The following ZNF490 variants were observed in gnomAD, a reference collection of about 807,000 sequenced individuals.
ZNF490 encodes zinc finger protein 490.
ZNF490 carries 11 observed loss-of-function variants against 17.7 expected under a neutral mutation model. The observed-to-expected ratio is 0.62, with a 90% confidence interval of 0.39 to 1.03. The LOEUF is 1.03. Among genes scored for constraint, ZNF490 ranks in the 50% least tolerant of loss-of-function variants. ZNF490 has a pLI of 0.00. For synonymous variants in ZNF490, 222 were observed against 216.1 expected (o/e 1.03, Z -0.24); for missense variants, 542 against 643.4 (o/e 0.84, Z 1.71).
In ZNF490 at chr19:12,583,495, T is replaced by C; in HGVS notation, c.224A>G (p.Asp75Gly). Residue 75 changes from aspartate to glycine, a missense_variant, in exon 3 of 5, where the codon GAT becomes GGT. By Grantham distance (94) the Asp-to-Gly change is moderately conservative. Coordinates refer to ENST00000311437, the MANE Select transcript of ZNF490 (RefSeq NM_020714.3). ...NFTLEEWALL[D>G]PGQRNIYRDV... The stretch of plus-strand genomic sequence containing the variant: ...TCTGTAGATATTCCTCTGGCCAGGA[T>C]CCAGCAAAGCCCACTCCTCCAGGGT... 1 of 1,607,044 alleles carries C rather than the reference T, an allele frequency of 6.2e-7. No individual in the cohort carries two copies. The highest frequency in any genetic ancestry group is 1.1e-5 in the South Asian group (1 of 90,956).
At chr19:12,607,341 C>T (rs2023080912) in intron 2 of ZNF490, among the ~76,000 whole-genome samples, 1 of 151,688 alleles carries the variant, frequency 6.6e-6, no homozygotes, top group African/African-American at 2.4e-5. Context: ...CAGATGTGCA[C>T]AACCACACCT....
chr19:12,581,027 G>C lies in ZNF490; in HGVS notation c.1048C>G (p.Arg350Gly), dbSNP rs777221425. The C allele has an allele frequency of 1.2e-5, 20 of 1,613,862 alleles. No individual in the cohort carries two copies. Among genetic ancestry groups the C allele is most frequent in the Non-Finnish European group, 1.7e-5 (20 of 1,179,984 alleles). The change falls in exon 5 of 5, where the codon CGA (arginine) becomes GGA (glycine). Residue 350 changes from arginine (R) to glycine (G), a missense_variant. Arg to Gly is a moderately radical substitution (Grantham distance 125, BLOSUM62 -2). Coordinates refer to ENST00000311437, the MANE Select transcript of ZNF490 (RefSeq NM_020714.3). ...GRAFFSHSSL[R>G]KHVKTHTGVQ... Reference sequence around the variant, plus strand: ...CCGGTGTGGGTTTTCACGTGTTTTCGAAGGCTTGAGTGAGAAAAGAAGGCT... The same window carrying C: ...CCGGTGTGGGTTTTCACGTGTTTTCCAAGGCTTGAGTGAGAAAAGAAGGCT...
chr19:12,589,679 C>A (rs2022844006), intron 2 of ZNF490, among the ~76,000 whole-genome samples: 1 of 150,938 alleles, frequency 6.6e-6, no homozygotes, highest in African/African-American at 2.4e-5. Context: ...TGGGCTCCAG[C>A]AATCTTCTTG....
chr19:12,593,282 C>G (rs2022894614), intron 2 of ZNF490, among the ~76,000 whole-genome samples: 1 of 150,816 alleles, frequency 6.6e-6, no homozygotes, highest in South Asian at 2.1e-4. Flanking sequence ...AAGTCTCGCT[C>G]TGTTGCCCAG....
intron 2 of ZNF490, among the ~76,000 whole-genome samples, chr19:12,598,455 A>G (rs1293954753): frequency 2.7e-5 from 4 of 147,928 alleles, no homozygotes; most frequent in Non-Finnish European, 6.0e-5. Context: ...GCTCACCGCA[A>G]CCTCCGCCTC....
At chr19:12,605,707 G>A (rs547354906) in intron 2 of ZNF490, among the ~76,000 whole-genome samples, 23 of 152,222 alleles carry the variant, frequency 1.5e-4, no homozygotes, top group East Asian at 3.9e-4. Context: ...ATTGGACTCC[G>A]TCTCCAGGTA....
At chr19:12,607,935 G>A (rs1039659716) in intron 2 of ZNF490, among the ~76,000 whole-genome samples, 1 of 152,074 alleles carries the variant, frequency 6.6e-6, no homozygotes, top group African/African-American at 2.4e-5. Flanking sequence ...CAAGTTCCTG[G>A]CCAGAAAAGC....
intron 2 of ZNF490, among the ~76,000 whole-genome samples, chr19:12,589,568 CTTT>C (rs66811210): frequency 2.1e-4 from 27 of 125,700 alleles, no homozygotes; most frequent in Non-Finnish European, 2.4e-4. Flanking sequence ...TCTTCTTCTT[CTTT>C]TTTTTTTTTT....
Position 12,578,559 on chromosome 19 carries a change from C to G in ZNF490, c.*1926G>C. The G allele has an allele frequency of 1.0e-6, 1 of 985,402 alleles. No individual in the cohort carries two copies. Among genetic ancestry groups the G allele is most frequent in the Middle Eastern group, 5.2e-4 (1 of 1,914 alleles). The allele number at this position is 985,402 out of a possible 1,614,324, so 61.0% of individuals were successfully genotyped here. On this transcript the variant is annotated 3_prime_UTR_variant, in exon 5 of 5. Coordinates refer to ENST00000311437, the MANE Select transcript of ZNF490 (RefSeq NM_020714.3). ...AGCTGGAGATGACCTCAAAACAGCC[C>G]TGGAATAATGCAATGCTGACAATGT...
chr19:12,588,305 T>G (rs919352729), intron 2 of ZNF490, among the ~76,000 whole-genome samples: 1 of 152,186 alleles, frequency 6.6e-6, no homozygotes, highest in African/African-American at 2.4e-5. Flanking sequence ...CCAACACTAA[T>G]TTTTTAAAAG....
intron 2 of ZNF490, among the ~76,000 whole-genome samples, chr19:12,600,303 G>C (rs1362153887): frequency 1.3e-5 from 2 of 151,938 alleles, no homozygotes; most frequent in African/African-American, 4.8e-5. Flanking sequence ...GGAGGTGGAA[G>C]TTGCAGTGAG....
chr19:12,591,931 C>T (rs1251324534), intron 2 of ZNF490, among the ~76,000 whole-genome samples: 1 of 152,104 alleles, frequency 6.6e-6, no homozygotes, highest in Non-Finnish European at 1.5e-5. Flanking sequence ...CCAAAACCTG[C>T]ACATGAATGC....
chr19:12,602,772 G>A (rs1328226667), intron 2 of ZNF490, among the ~76,000 whole-genome samples: 1 of 151,526 alleles, frequency 6.6e-6, no homozygotes, highest in African/African-American at 2.4e-5. Context: ...CTACAGGTGC[G>A]CACCACCACG....
chr19:12,609,267 AC>A (rs2023113428), intron 1 of ZNF490, 65 bp from the exon 2 acceptor site: 1 of 1,431,632 alleles, frequency 7.0e-7, no homozygotes, highest in Admixed American at 1.7e-5. Context: ...ATGACCTTTG[AC>A]AGCCTTGGAA....
intron 2 of ZNF490, among the ~76,000 whole-genome samples, 200 bp from the exon 3 acceptor site, chr19:12,583,756 GCTCTCT>G (rs1195574032): frequency 0.019 from 545 of 29,126 alleles, 4 homozygotes; most frequent in African/African-American, 0.052. Flanking sequence ...AAATTATTGC[GCTCTCT>G]CTCTCTCTCT....
Position 12,578,785 on chromosome 19 carries a change from C to A in ZNF490, c.*1700G>T. 1 of 985,450 alleles carries A rather than the reference C, an allele frequency of 1.0e-6. No homozygotes were observed. The highest frequency in any genetic ancestry group is 1.1e-4 in the East Asian group (1 of 8,802). 61.0% of individuals were successfully genotyped at this position (985,450 alleles called of 1,614,324 possible). A position where few individuals can be genotyped will look rare whatever the true frequency, so the allele number is the denominator to read the frequency against. On this transcript the variant is annotated 3_prime_UTR_variant, in exon 5 of 5. Transcript: ENST00000311437. ...CAGGCACTGCCCTAGAGGGTGTTTC[C>A]TAACTTCTGACTGGATGCCACAAAA...
intron 2 of ZNF490, among the ~76,000 whole-genome samples, chr19:12,588,755 G>C (rs370713073): frequency 2.6e-5 from 4 of 152,078 alleles, no homozygotes; most frequent in Non-Finnish European, 4.4e-5. Flanking sequence ...TAAAAGACTA[G>C]AGAATACAAA....
chr19:12,584,654 C>A (rs1370949742), intron 2 of ZNF490, among the ~76,000 whole-genome samples: 1 of 93,844 alleles, frequency 1.1e-5, no homozygotes, highest in African/African-American at 3.2e-5. Flanking sequence ...AATGAATACA[C>A]CCTTTAGACT....
At position 12,576,335 on chromosome 19, in the gene ZNF490, G is replaced by C. The variant is rs1461464269; in HGVS notation, c.*4150C>G. 6.7e-6 allele frequency among the ~76,000 whole-genome samples: 1 copy of C among 150,158 alleles called. No homozygotes were observed. The highest frequency in any genetic ancestry group is 2.0e-4 in the East Asian group (1 of 5,038). ...ATCCTGGCCAACATGGTGAAACCCC[G>C]TCTCTACTAAAAATAAAAAAACTAG... On this transcript the variant is annotated 3_prime_UTR_variant, in exon 5 of 5. Coordinates refer to ENST00000311437, the MANE Select transcript of ZNF490 (RefSeq NM_020714.3).
Sources: gnomAD v4.1 joint callset for allele counts (sites outside exome capture counted in the v4.1 genomes callset) on GRCh38, gnomAD v4.1.1 for gene constraint, MANE v1.5 for transcripts, NCBI Gene and HGNC (gene_info 2026-07-23, HGNC 2026-07-21) for gene names.